INPP4B: variants seen among roughly 807,000 people sequenced by gnomAD.
INPP4B encodes the protein inositol polyphosphate 4-phosphatase type II.
INPP4B carries 55 observed loss-of-function variants against 122.5 expected under a neutral mutation model. That is an observed-to-expected ratio of 0.45 (90% confidence interval 0.36 to 0.56). The LOEUF (loss-of-function observed/expected upper bound fraction) is 0.56. Ranked by LOEUF, INPP4B falls within the 20% of genes least tolerant of loss-of-function variation. The pLI is 0.00. For synonymous variants in INPP4B, 403 were observed against 388.7 expected (o/e 1.04, Z -0.43); for missense variants, 1,000 against 1,097.7 (o/e 0.91, Z 1.26).
At chr4:142,404,606 GA>G (rs1802706435) in intron 6 of INPP4B, among the ~76,000 whole-genome samples, 1 of 152,154 alleles carries the variant, frequency 6.6e-6, no homozygotes, top group Non-Finnish European at 1.5e-5. Context: ...CCTCCCATCT[GA>G]TGAGTAATAT....
At chr4:142,544,072 A>G (rs1580331239) in intron 2 of INPP4B, among the ~76,000 whole-genome samples, 1 of 151,310 alleles carries the variant, frequency 6.6e-6, no homozygotes, top group Non-Finnish European at 1.5e-5. Flanking sequence ...AAACCTAGTT[A>G]GAGACTCTGG....
At chr4:142,840,162 G>T (rs1026507253) in intron 1 of INPP4B, among the ~76,000 whole-genome samples, 9 of 152,124 alleles carry the variant, frequency 5.9e-5, no homozygotes, top group African/African-American at 2.2e-4. Context: ...ATTCAATTTG[G>T]TCACTGGTGA....
chr4:142,152,542 C>A (rs1486477846), intron 17 of INPP4B, among the ~76,000 whole-genome samples: 1 of 152,150 alleles, frequency 6.6e-6, no homozygotes, highest in African/African-American at 2.4e-5. Context: ...TCTTTTCCGA[C>A]TGTCACATAA....
chr4:142,596,973 C>T (rs1737298137), intron 2 of INPP4B, among the ~76,000 whole-genome samples: 1 of 152,216 alleles, frequency 6.6e-6, no homozygotes, highest in Admixed American at 6.5e-5. Context: ...CGAGCAACAT[C>T]TTTTCCTGCC....
At chr4:142,090,703 A>T (rs1779122825) in intron 23 of INPP4B, among the ~76,000 whole-genome samples, 1 of 105,896 alleles carries the variant, frequency 9.4e-6, no homozygotes, top group Non-Finnish European at 2.5e-5. Context: ...CCATAATAGT[A>T]TTCTTTTTTT....
intron 2 of INPP4B, among the ~76,000 whole-genome samples, chr4:142,657,958 G>A (rs1754465169): frequency 6.6e-6 from 1 of 152,132 alleles, no homozygotes. Context: ...AGGTAAATAG[G>A]ATCATTTGAC....
chr4:142,607,950 A>C (rs778057174), intron 2 of INPP4B, among the ~76,000 whole-genome samples: 21 of 152,128 alleles, frequency 1.4e-4, no homozygotes, highest in Admixed American at 2.6e-4. Flanking sequence ...TCTATGGACA[A>C]AGACACCATG....
intron 9 of INPP4B, among the ~76,000 whole-genome samples, chr4:142,275,644 T>C (rs1165329361): frequency 6.6e-6 from 1 of 151,882 alleles, no homozygotes; most frequent in Non-Finnish European, 1.5e-5. Context: ...TATATTTAAG[T>C]ATGTATAACT....
intron 1 of INPP4B, among the ~76,000 whole-genome samples, chr4:142,811,037 G>A (rs1265795784): frequency 6.6e-6 from 1 of 152,190 alleles, no homozygotes; most frequent in Non-Finnish European, 1.5e-5. Context: ...TGCACTGGTT[G>A]TTAAAATACT....
intron 2 of INPP4B, among the ~76,000 whole-genome samples, chr4:142,614,275 G>A (rs944759756): frequency 6.6e-6 from 1 of 151,982 alleles, no homozygotes; most frequent in Non-Finnish European, 1.5e-5. Context: ...CAAGCAAGTT[G>A]TCAAAAATAT....
At chr4:142,470,030 T>C (rs1404498761) in intron 2 of INPP4B, among the ~76,000 whole-genome samples, 1 of 151,956 alleles carries the variant, frequency 6.6e-6, no homozygotes, top group Non-Finnish European at 1.5e-5. Flanking sequence ...TAAATACAAA[T>C]AAAATACAAA....
Position 142,643,861 on chromosome 4 carries a change from C to A in INPP4B, c.-191+81978G>T, listed in dbSNP as rs943432182. Among the ~76,000 whole-genome samples, 3 of 152,080 alleles carry A rather than the reference C, an allele frequency of 2.0e-5. No homozygotes were observed. In the East Asian group the frequency reaches 5.8e-4, roughly 29 times the overall value. The stretch of plus-strand genomic sequence containing the variant: ...GAATCACACCAGAACAGAGCATGAT[C>A]AAGAAAACTGAAACAATAGTGGAAA... On this transcript the variant is annotated intron_variant, in intron 2 of 25. Transcript: ENST00000262992.
chr4:142,199,860 T>C (rs112350889), intron 14 of INPP4B, among the ~76,000 whole-genome samples: 25 of 152,170 alleles, frequency 1.6e-4, no homozygotes, highest in African/African-American at 5.5e-4. Context: ...CCTTGATGCA[T>C]TGGAGTGCCT....
At chr4:142,236,425 A>G (rs1385902093) in intron 12 of INPP4B, among the ~76,000 whole-genome samples, 2 of 152,172 alleles carry the variant, frequency 1.3e-5, no homozygotes, top group Admixed American at 1.3e-4. Flanking sequence ...AACCCACTTC[A>G]GGATAACTTG....
chr4:142,441,434 G>T (rs376120537), intron 3 of INPP4B, among the ~76,000 whole-genome samples: 1 of 152,082 alleles, frequency 6.6e-6, no homozygotes, highest in African/African-American at 2.4e-5. Context: ...TATCAGGAGA[G>T]AATAAAAGGA....
chr4:142,761,558 A>G (rs1771346968), intron 1 of INPP4B, among the ~76,000 whole-genome samples: 1 of 152,180 alleles, frequency 6.6e-6, no homozygotes, highest in African/African-American at 2.4e-5. Context: ...AAGAGTGTTC[A>G]CAGTGGATGC....
At chr4:142,556,697 T>C (rs912551417) in intron 2 of INPP4B, among the ~76,000 whole-genome samples, 1 of 144,410 alleles carries the variant, frequency 6.9e-6, no homozygotes, top group Non-Finnish European at 1.5e-5. Context: ...TTCCTGCTGA[T>C]GTGTTATTTA....
chr4:142,445,799 C>T (rs898526461), intron 3 of INPP4B, among the ~76,000 whole-genome samples: 2 of 152,080 alleles, frequency 1.3e-5, no homozygotes, highest in Admixed American at 1.3e-4. Flanking sequence ...TAAAAGAAAC[C>T]TTAACAAATT....
chr4:142,700,913 T>C (rs541687441), intron 2 of INPP4B, among the ~76,000 whole-genome samples: 1 of 152,300 alleles, frequency 6.6e-6, no homozygotes, highest in South Asian at 2.1e-4. Flanking sequence ...TAAACATTTA[T>C]TATCTCAGAA....
Sources: gnomAD v4.1 joint callset for allele counts (sites outside exome capture counted in the v4.1 genomes callset) on GRCh38, gnomAD v4.1.1 for gene constraint, MANE v1.5 for transcripts, NCBI Gene and HGNC (gene_info 2026-07-23, HGNC 2026-07-21) for gene names.